The following HYAL4 variants were observed in gnomAD, a reference collection of about 807,000 sequenced individuals.
The protein encoded by HYAL4 is hyaluronidase 4.
A neutral mutation model predicts 35.2 loss-of-function variants in HYAL4; 37 were observed. The ratio of observed to expected loss-of-function variants is 1.05; its 90% CI spans 0.81 to 1.38. The LOEUF (loss-of-function observed/expected upper bound fraction) is 1.38, where lower values mean the gene tolerates loss of function less well. Among genes scored for constraint, HYAL4 ranks in the 40% most tolerant of loss-of-function variants. The pLI, the probability that HYAL4 is intolerant of heterozygous loss-of-function variation, is 0.00. For synonymous variants in HYAL4, 198 were observed against 203.2 expected (o/e 0.97, Z 0.22); for missense variants, 572 against 572.4 (o/e 1.00, Z 0.01).
At chr7:123,799,723 CTTGTTCTTT>C in the HYAL4 span, among the ~76,000 whole-genome samples, 1 of 151,876 alleles carries the variant, frequency 6.6e-6, no homozygotes, top group Non-Finnish European at 1.5e-5. Flanking sequence ...TTCCATGTTT[CTTGTTCTTT>C]TTGTTCTTTT....
the HYAL4 span, among the ~76,000 whole-genome samples, chr7:123,794,128 T>G: frequency 6.6e-6 from 1 of 152,162 alleles, no homozygotes; most frequent in African/African-American, 2.4e-5. Context: ...CTGTTACACT[T>G]TAGCAAAAAG....
the HYAL4 span, among the ~76,000 whole-genome samples, chr7:123,806,875 G>A: frequency 6.6e-6 from 1 of 152,076 alleles, no homozygotes; most frequent in Non-Finnish European, 1.5e-5. Flanking sequence ...AAGGCTTCAG[G>A]CTAGTGAAAA....
At chr7:123,869,344 C>A in intron 3 of HYAL4, 117 bp downstream of exon 3, 1 of 719,794 alleles carries the variant, frequency 1.4e-6, no homozygotes, top group Non-Finnish European at 2.2e-6. Flanking sequence ...TATATGGGAG[C>A]ATAATTCTTC....
At chr7:123,839,231 G>T (rs1277307961) in intron 1 of HYAL4, among the ~76,000 whole-genome samples, 1 of 150,440 alleles carries the variant, frequency 6.6e-6, no homozygotes, top group Non-Finnish European at 1.5e-5. Context: ...GTGAGAACAT[G>T]TGGTGTTTGG....
At chr7:123,841,982 GTGTC>G (rs1806080283), upstream of HYAL4, among the ~76,000 whole-genome samples, 1 of 151,754 alleles carries the variant, frequency 6.6e-6, no homozygotes, top group Admixed American at 6.6e-5. Flanking sequence ...ATTTTTTTGT[GTGTC>G]TGTATCTCTT....
chr7:123,846,785 T>C (rs1237608767), intron 1 of HYAL4, among the ~76,000 whole-genome samples: 1 of 152,176 alleles, frequency 6.6e-6, no homozygotes, highest in Non-Finnish European at 1.5e-5. Flanking sequence ...CAGAAATAGC[T>C]TCCCAGGGGA....
chr7:123,876,261 T>C (rs1807021058), intron 4 of HYAL4, among the ~76,000 whole-genome samples: 1 of 152,188 alleles, frequency 6.6e-6, no homozygotes, highest in African/African-American at 2.4e-5. Flanking sequence ...AATGGTGGCA[T>C]AAGATGATTT....
chr7:123,808,491 G>T, the HYAL4 span, among the ~76,000 whole-genome samples: 1 of 147,748 alleles, frequency 6.8e-6, no homozygotes, highest in African/African-American at 2.5e-5. Flanking sequence ...CATCTCAGTA[G>T]GTTCACATTT....
At chr7:123,765,621 AAAAG>A in the HYAL4 span, among the ~76,000 whole-genome samples, 2 of 152,188 alleles carry the variant, frequency 1.3e-5, no homozygotes, top group African/African-American at 4.8e-5. Context: ...TTTATGCAAT[AAAAG>A]AAAAAATAAC....
chr7:123,851,269 G>C (rs1421206803), intron 2 of HYAL4, among the ~76,000 whole-genome samples: 2 of 152,022 alleles, frequency 1.3e-5, no homozygotes, highest in Admixed American at 1.3e-4. Flanking sequence ...TATACTTTAA[G>C]TTCTGGGATA....
At chr7:123,774,333 T>C in the HYAL4 span, among the ~76,000 whole-genome samples, 1 of 152,182 alleles carries the variant, frequency 6.6e-6, no homozygotes, top group East Asian at 1.9e-4. Context: ...GCCACCACCA[T>C]GCCTGGTCAC....
chr7:123,849,793 G>A (rs549583508), intron 2 of HYAL4, among the ~76,000 whole-genome samples: 1 of 152,124 alleles, frequency 6.6e-6, no homozygotes, highest in Non-Finnish European at 1.5e-5. Flanking sequence ...CTTGAACACA[G>A]GAGGCGGAGA....
At chr7:123,821,915 G>A in the HYAL4 span, among the ~76,000 whole-genome samples, 1 of 152,108 alleles carries the variant, frequency 6.6e-6, no homozygotes, top group Admixed American at 6.6e-5. Context: ...TCCTTTCTCT[G>A]TTGTGTTCTT....
intron 3 of HYAL4, among the ~76,000 whole-genome samples, chr7:123,872,006 A>C (rs1163745854): frequency 6.6e-6 from 1 of 152,132 alleles, no homozygotes; most frequent in African/African-American, 2.4e-5. Flanking sequence ...ATTTATTATT[A>C]GTTTTTCATT....
the HYAL4 span, among the ~76,000 whole-genome samples, chr7:123,819,154 C>T: frequency 6.6e-6 from 1 of 152,170 alleles, no homozygotes; most frequent in African/African-American, 2.4e-5. Context: ...ATGAGATTAA[C>T]TTTTTCAGAT....
At chr7:123,820,497 C>T in the HYAL4 span, among the ~76,000 whole-genome samples, 1 of 151,550 alleles carries the variant, frequency 6.6e-6, no homozygotes, top group African/African-American at 2.4e-5. Context: ...GCAGGAGAGT[C>T]GCTTGAACCT....
At chr7:123,835,374 G>C (rs564971709) in intron 1 of HYAL4, among the ~76,000 whole-genome samples, 1 of 152,066 alleles carries the variant, frequency 6.6e-6, no homozygotes, top group Admixed American at 6.5e-5. Flanking sequence ...ATGTAAAGGT[G>C]TTCATAGTAG....
chr7:123,873,721 C>T (rs917880959), intron 3 of HYAL4, among the ~76,000 whole-genome samples: 11 of 152,266 alleles, frequency 7.2e-5, no homozygotes, highest in South Asian at 4.1e-4. Context: ...CTCCAGAAAA[C>T]GGCCTAGATC....
At chr7:123,837,506 T>A (rs900148632) in intron 1 of HYAL4, among the ~76,000 whole-genome samples, 7 of 152,164 alleles carry the variant, frequency 4.6e-5, no homozygotes, top group Non-Finnish European at 7.3e-5. Context: ...GAACAGAATA[T>A]TAACGTGTCT....
Sources: gnomAD v4.1 joint callset for allele counts (sites outside exome capture counted in the v4.1 genomes callset) on GRCh38, gnomAD v4.1.1 for gene constraint, MANE v1.5 for transcripts, NCBI Gene and HGNC (gene_info 2026-07-23, HGNC 2026-07-21) for gene names.